PHYHD1: variants seen among roughly 807,000 people sequenced by gnomAD.
PHYHD1 encodes the protein phytanoyl-CoA dioxygenase domain-containing protein 1.
In PHYHD1, 42 loss-of-function variants were observed where a neutral mutation model predicts 43.6. The observed-to-expected ratio is 0.96, with a 90% CI of 0.75 to 1.25. The LOEUF (loss-of-function observed/expected upper bound fraction) is 1.25. PHYHD1 is among the 50% of genes most tolerant of loss of function. The pLI, the probability that PHYHD1 is intolerant of heterozygous loss-of-function variation, is 0.00. For synonymous variants in PHYHD1, 139 were observed against 143.6 expected (o/e 0.97, Z 0.23); for missense variants, 342 against 370.8 (o/e 0.92, Z 0.64).
chr9:128,936,423 C>T lies in PHYHD1; in HGVS notation c.317-25C>T, dbSNP rs368287771. On this transcript the variant is annotated intron_variant, in intron 6 of 12. Transcript: ENST00000372592. The stretch of plus-strand genomic sequence containing the variant: ...AGGGACACGTGGGCCTGAGATGGGG[C>T]CGACAGCTTCCTTCTGTCCCATAGC... 6 of 1,600,958 alleles carry T rather than the reference C, an allele frequency of 3.7e-6. No homozygotes were observed. The African/African-American group carries it at 4.0e-5, about 11-fold the overall frequency.
intron 4 of PHYHD1, among the ~76,000 whole-genome samples, chr9:128,931,457 C>G (rs1841273344): frequency 6.6e-6 from 1 of 152,136 alleles, no homozygotes; most frequent in South Asian, 2.1e-4. Flanking sequence ...GAATCTGTGT[C>G]CTAACTGCTA....
chr9:128,924,749 A>G (rs1037942407), intron 3 of PHYHD1, among the ~76,000 whole-genome samples: 11 of 151,788 alleles, frequency 7.2e-5, no homozygotes. Context: ...AGCCTGGCCA[A>G]CATAGTGAAA....
At chr9:128,932,443 C>T (rs1369758406) in intron 4 of PHYHD1, among the ~76,000 whole-genome samples, 1 of 151,994 alleles carries the variant, frequency 6.6e-6, no homozygotes, top group African/African-American at 2.4e-5. Context: ...TCTTGGCTCA[C>T]CGCAACCTCC....
chr9:128,940,757 A>C, intron 11 of PHYHD1, 42 bp downstream of exon 11: 1 of 1,597,522 alleles, frequency 6.3e-7, no homozygotes, highest in Non-Finnish European at 8.6e-7. Context: ...GGCTGAGTCC[A>C]TCAGTCTGTG....
chr9:128,927,189 G>C lies in PHYHD1; in HGVS notation c.185G>C (p.Arg62Pro), dbSNP rs147855994. Reference protein sequence around the residue: ...EFSTQEEEQLRAQGSTDYFLS... With the variant: ...EFSTQEEEQLPAQGSTDYFLS... ...TCCACCCAGGAAGAGGAGCAGCTTC[G>C]AGCCCAGGTAGGTGTCTGGGGCACA... is the stretch of plus-strand genomic sequence containing the variant. The change falls in exon 4 of 13, where the codon CGA becomes CCA. Residue 62 changes from arginine to proline, a missense_variant. Coordinates refer to ENST00000372592, the MANE Select transcript of PHYHD1 (RefSeq NM_001100876.2). 6.2e-7 allele frequency: 1 copy of C among 1,613,778 alleles called. No homozygotes were observed.
chr9:128,926,961 C>T (rs1393743875), intron 3 of PHYHD1, 77 bp from the exon 4 acceptor site: 1 of 1,601,138 alleles, frequency 6.2e-7, no homozygotes, highest in Non-Finnish European at 8.6e-7. Context: ...CACCTTCACA[C>T]AGCTGCAAGG....
intron 4 of PHYHD1, among the ~76,000 whole-genome samples, chr9:128,932,149 C>CTATTAT (rs200910690): frequency 2.3e-5 from 3 of 128,002 alleles, no homozygotes; most frequent in Non-Finnish European, 4.8e-5. Flanking sequence ...GAAGTCAGTT[C>CTATTAT]TATTATTATT....
In PHYHD1 at chr9:128,941,734, C is replaced by A. The variant is rs112977257; in HGVS notation, c.*21C>A. The A allele has an allele frequency of 1.2e-6, 2 of 1,614,094 alleles. No homozygotes were observed. The highest frequency in any genetic ancestry group is 1.7e-6 in the Non-Finnish European group (2 of 1,180,010). ...CCTAAAGGCTCTCGCAGGGCAGGAG[C>A]CCTCGCCCCTCCCGGGTGAAGCTGT... On this transcript the variant is annotated 3_prime_UTR_variant, in exon 13 of 13. Coordinates refer to ENST00000372592, the MANE Select transcript of PHYHD1 (RefSeq NM_001100876.2).
intron 3 of PHYHD1, among the ~76,000 whole-genome samples, chr9:128,924,453 A>G (rs1331532332): frequency 6.6e-6 from 1 of 151,678 alleles, no homozygotes; most frequent in Non-Finnish European, 1.5e-5. Flanking sequence ...AAACAATAAA[A>G]TAAATAAAAT....
rs761076310 is a variant in PHYHD1, at chr9:128,936,438, T to C, written c.317-10T>C. On this transcript the variant is annotated splice_polypyrimidine_tract_variant and intron_variant, in intron 6 of 12. Coordinates refer to ENST00000372592, the MANE Select transcript of PHYHD1 (RefSeq NM_001100876.2). Reference sequence around the variant, plus strand: ...TGAGATGGGGCCGACAGCTTCCTTCTGTCCCATAGCTCTGCACGCCCACGA... The same window carrying C: ...TGAGATGGGGCCGACAGCTTCCTTCCGTCCCATAGCTCTGCACGCCCACGA... 2.5e-6 allele frequency: 4 copies of C among 1,610,064 alleles called. No homozygotes were observed. The South Asian group carries it at 4.5e-5, about 18-fold the overall frequency.
At chr9:128,928,014 C>G (rs1041284191) in intron 4 of PHYHD1, among the ~76,000 whole-genome samples, 1 of 152,224 alleles carries the variant, frequency 6.6e-6, no homozygotes, top group African/African-American at 2.4e-5. Context: ...TCTCCCACAC[C>G]GTTCTCTTGA....
At chr9:128,925,837 G>A (rs988660897) in intron 3 of PHYHD1, among the ~76,000 whole-genome samples, 6 of 152,032 alleles carry the variant, frequency 3.9e-5, no homozygotes, top group Non-Finnish European at 7.4e-5. Context: ...TGCTCCCTCT[G>A]TCTGGAATGC....
At chr9:128,931,991 C>T (rs551382670) in intron 4 of PHYHD1, among the ~76,000 whole-genome samples, 3 of 151,326 alleles carry the variant, frequency 2.0e-5, no homozygotes, top group African/African-American at 4.9e-5. Flanking sequence ...CATGCTACCA[C>T]GCCCGGCTAA....
chr9:128,922,596 A>C (rs930665324), intron 3 of PHYHD1, among the ~76,000 whole-genome samples: 2 of 152,136 alleles, frequency 1.3e-5, no homozygotes, highest in African/African-American at 4.8e-5. Context: ...CAAAAACGAG[A>C]ATAAGGCCTC....
intron 9 of PHYHD1, among the ~76,000 whole-genome samples, chr9:128,940,056 C>G (rs188112708): frequency 1.3e-5 from 2 of 152,164 alleles, no homozygotes; most frequent in African/African-American, 2.4e-5. Context: ...TGGAATTAAA[C>G]AGTAGTGCTA....
At chr9:128,937,959 C>T (rs1236956729) in intron 9 of PHYHD1, 181 bp downstream of exon 9, 18 of 1,482,582 alleles carry the variant, frequency 1.2e-5, no homozygotes, top group South Asian at 5.4e-5. Flanking sequence ...GGAAACCTTG[C>T]GTCCTTGGCA....
intron 8 of PHYHD1, 131 bp from the exon 9 acceptor site, chr9:128,937,626 A>G (rs1841457631): frequency 9.8e-7 from 1 of 1,018,690 alleles, no homozygotes; most frequent in South Asian, 1.4e-5. Flanking sequence ...GGTGCTCAGT[A>G]GCTGGGTGTT....
In PHYHD1 at chr9:128,931,576, G is replaced by C. The variant is rs533953953; in HGVS notation, c.193-2206G>C. Among the ~76,000 whole-genome samples, 37 of 152,176 alleles carry C rather than the reference G, an allele frequency of 2.4e-4. No individual in the cohort carries two copies. In the East Asian group the frequency reaches 7.0e-3, roughly 29 times the overall value. ...GTCTCGCTCTGTCACCCAAGCTGGAGTGCAGTGGCGCGATCTCGGCTCACT... is the reference window on the plus strand; with the variant it reads ...GTCTCGCTCTGTCACCCAAGCTGGACTGCAGTGGCGCGATCTCGGCTCACT... On this transcript the variant is annotated intron_variant, in intron 4 of 12. Transcript: ENST00000372592.
chr9:128,938,013 A>G (rs1841468573), intron 9 of PHYHD1: 2 of 1,384,662 alleles, frequency 1.4e-6, no homozygotes, highest in Non-Finnish European at 9.4e-7. Context: ...GGTTAAAAAT[A>G]TAGATTTCCT....
Sources: allele counts gnomAD v4.1 joint callset (sites outside exome capture counted in the v4.1 genomes callset), GRCh38; gene constraint gnomAD v4.1.1; transcripts MANE v1.5; gene names NCBI Gene and HGNC (gene_info 2026-07-23, HGNC 2026-07-21).